The following CASZ1 variants were observed in gnomAD, a reference collection of about 807,000 sequenced individuals.
The protein encoded by CASZ1 is castor zinc finger 1.
CASZ1 carries 28 observed loss-of-function variants against 135.2 expected under a neutral mutation model. The ratio of observed to expected loss-of-function variants is 0.21; its 90% confidence interval spans 0.15 to 0.28. The LOEUF (loss-of-function observed/expected upper bound fraction) is 0.28. Among genes scored for constraint, CASZ1 ranks in the 10% least tolerant of loss-of-function variants. CASZ1 has a pLI of 1.00. For synonymous variants in CASZ1, 1,068 were observed against 1,073.4 expected, an observed-to-expected ratio of 0.99 and a Z score of 0.10; for missense variants, 2,161 against 2,453.3, an observed-to-expected ratio of 0.88 and a Z score of 2.52.
rs72862926 is a variant in CASZ1 at position 10,763,849 on chromosome 1, C to T, written c.-233-2992G>A. Reference sequence around the variant, plus strand: ...GCTTGGCCCCTCTTCTCCAACAGAACGCTCCATTCGCTGTTTTCTGTTTTC... The same window carrying T: ...GCTTGGCCCCTCTTCTCCAACAGAATGCTCCATTCGCTGTTTTCTGTTTTC... On this transcript the variant is annotated intron_variant, in intron 1 of 20. Coordinates refer to ENST00000377022, the MANE Select transcript of CASZ1 (RefSeq NM_001079843.3). 4.2e-3 allele frequency among the ~76,000 whole-genome samples: 632 copies of T among 152,266 alleles called. 2 individuals are homozygous for T. Among genetic ancestry groups the T allele is most frequent in the African/African-American group, 0.014 (595 of 41,554 alleles).
rs752184788 is a variant in CASZ1, at chr1:10,655,715, G to A, written c.1599C>T (p.Asp533=). ...QHGFMRFSPL[D]DCSVYYHGCH... ...AGCCGTGGTAGTAGACGCTGCAGTC[G>A]TCCAGCGGGCTGAAACGCATGAAGC... The change falls in exon 9 of 21, where the codon GAC becomes GAT. Residue 533 remains aspartate (D), a synonymous_variant. Transcript: ENST00000377022. 2.0e-4 allele frequency: 325 copies of A among 1,614,072 alleles called. 1 individual carries two copies. Among genetic ancestry groups the A allele is most frequent in the East Asian group, 2.7e-4 (12 of 44,902 alleles).
Position 10,721,561 on chromosome 1 carries a change from G to A in CASZ1, c.-76-16017C>T, listed in dbSNP as rs1253794347. 6.6e-6 allele frequency among the ~76,000 whole-genome samples: 1 copy of A among 152,066 alleles called. No individual in the cohort carries two copies. The highest frequency in any genetic ancestry group is 1.9e-4 in the East Asian group (1 of 5,170). On this transcript the variant is annotated intron_variant, in intron 2 of 20. Coordinates refer to ENST00000377022, the MANE Select transcript of CASZ1 (RefSeq NM_001079843.3). The surrounding 1 kb of genome is among the most constrained non-coding windows in gnomAD (Gnocchi z 5.4). The stretch of plus-strand genomic sequence containing the variant: ...CTTGAAACCAGGACTGGTTCCATGC[G>A]GGCATCAAGGAGAAACAGGGCAACT...
At chr1:10,729,065 G>C (rs1401922104) in intron 2 of CASZ1, among the ~76,000 whole-genome samples, 1 of 151,894 alleles carries the variant, frequency 6.6e-6, no homozygotes, top group African/African-American at 2.4e-5. Context: ...CATGCTGGGG[G>C]AGGCGGTTGG....
chr1:10,760,888 A>T (rs1640360578), intron 1 of CASZ1, 31 bp from the exon 2 acceptor site: 1 of 152,222 alleles, frequency 6.6e-6, no homozygotes, highest in Non-Finnish European at 1.5e-5. Flanking sequence ...AACAGAAAAG[A>T]TGAGGCTACA....
At position 10,788,915 on chromosome 1, in the gene CASZ1, C is replaced by A. The variant is rs909631338; in HGVS notation, c.-234+7649G>T. On this transcript the variant is annotated intron_variant, in intron 1 of 20. Coordinates refer to ENST00000377022, the MANE Select transcript of CASZ1 (RefSeq NM_001079843.3). This position sits in a 1 kb window ranked among gnomAD's most constrained non-coding sequence, Gnocchi z 4.1. ...GCCGCTGCCGCTCTGCAGAACCTCG[C>A]AGATCCTCTAAGCCACCTAGTGTCC... Among the ~76,000 whole-genome samples, 4 of 152,230 alleles carry A rather than the reference C, an allele frequency of 2.6e-5. No individual in the cohort carries two copies. Among genetic ancestry groups the A allele is most frequent in the African/African-American group, 9.6e-5 (4 of 41,458 alleles).
Position 10,647,930 on chromosome 1 carries a change from G to A in CASZ1, c.3368C>T (p.Ala1123Val), listed in dbSNP as rs762056146. ...CTGAGGCATCTGGGGTATGGTGGAAGCCAGCTGCTTCCAGGCGAGCAGGGT... is the reference window on the plus strand; with the variant it reads ...CTGAGGCATCTGGGGTATGGTGGAAACCAGCTGCTTCCAGGCGAGCAGGGT... ...TPTLLAWKQLASTIPQMPQIP... is the reference protein window; with the variant it reads ...TPTLLAWKQLVSTIPQMPQIP... Residue 1123 changes from alanine (A) to valine (V), a missense_variant, in exon 16 of 21, where the codon GCT becomes GTT. By Grantham distance (64) the Ala-to-Val change is moderately conservative (BLOSUM62 0). Coordinates refer to ENST00000377022, the MANE Select transcript of CASZ1 (RefSeq NM_001079843.3). The surrounding 1 kb of genome is among the most constrained non-coding windows in gnomAD (Gnocchi z 4.9). The A allele has an allele frequency of 1.9e-6, 3 of 1,613,240 alleles. No homozygotes were observed. Among genetic ancestry groups the A allele is most frequent in the Admixed American group, 1.7e-5 (1 of 60,016 alleles).
In CASZ1 at chr1:10,697,703, T is replaced by C. The variant is rs1280082959; in HGVS notation, c.-23-3791A>G. Reference sequence around the variant, plus strand: ...GTATCTCATGCTTTATCTGCTCTCATTTTGAATTTGTAACTTTCACATAAA... The same window carrying C: ...GTATCTCATGCTTTATCTGCTCTCACTTTGAATTTGTAACTTTCACATAAA... On this transcript the variant is annotated intron_variant, in intron 3 of 20. Transcript: ENST00000377022. The surrounding 1 kb of genome is among the most constrained non-coding windows in gnomAD (Gnocchi z 4.7). 6.6e-6 allele frequency among the ~76,000 whole-genome samples: 1 copy of C among 152,158 alleles called. No individual in the cohort carries two copies. The highest frequency in any genetic ancestry group is 1.5e-5 in the Non-Finnish European group (1 of 68,020).
At position 10,639,215 on chromosome 1, in the gene CASZ1, TGCGGCGGCG is replaced by T. The variant is rs769507455; in HGVS notation, c.4998_5006del (p.Ala1668_Ala1670del). On this transcript the variant is annotated inframe_deletion, in exon 21 of 21. Coordinates refer to ENST00000377022, the MANE Select transcript of CASZ1 (RefSeq NM_001079843.3). The surrounding 1 kb of genome is among the most constrained non-coding windows in gnomAD (Gnocchi z 4.0). ...CGTCCTCCTGCGAGGACTCCCCAGCTGCGGCGGCGGCGGCGGCGGCGCCCTCGCGCGGCC... is the reference window on the plus strand; with the variant it reads ...CGTCCTCCTGCGAGGACTCCCCAGCTGCGGCGGCGGCGCCCTCGCGCGGCC... The T allele has an allele frequency of 3.8e-5, 34 of 899,222 alleles. No homozygotes were observed. In the Admixed American group the frequency reaches 5.8e-4, roughly 15 times the overall value. The allele number at this position is 899,222 out of a possible 1,614,324, so 55.7% of individuals were successfully genotyped here.
intron 2 of CASZ1, among the ~76,000 whole-genome samples, chr1:10,722,623 A>AG (rs1557532274): frequency 6.6e-6 from 1 of 152,224 alleles, no homozygotes; most frequent in Non-Finnish European, 1.5e-5. Flanking sequence ...GCCCACTCAC[A>AG]GGGGGGCAGC....
At position 10,757,976 on chromosome 1, in the gene CASZ1, A is replaced by C. The variant is rs148330633; in HGVS notation, c.-77+2725T>G. Among the ~76,000 whole-genome samples, 961 of 152,140 alleles carry C rather than the reference A, an allele frequency of 6.3e-3. 14 individuals carry two copies. The highest frequency in any genetic ancestry group is 0.022 in the African/African-American group (928 of 41,488). The stretch of plus-strand genomic sequence containing the variant: ...GGCCACTCTGCCTTTCTTTCCAGTC[A>C]CTGGATGCACTGAGGGCATCCTACC... On this transcript the variant is annotated intron_variant, in intron 2 of 20. Transcript: ENST00000377022. The surrounding 1 kb of genome is among the most constrained non-coding windows in gnomAD (Gnocchi z 4.6).
chr1:10,718,994 C>T (rs1301352829), intron 2 of CASZ1, among the ~76,000 whole-genome samples: 1 of 149,664 alleles, frequency 6.7e-6, no homozygotes, highest in Admixed American at 6.6e-5. Context: ...CTCACTGCAA[C>T]CTCTGCTTTC....
Position 10,639,974 on chromosome 1 carries a change from C to T in CASZ1, c.4248G>A (p.Arg1416=), listed in dbSNP as rs1245492080. The change falls in exon 21 of 21, where the codon CGG becomes CGA. Residue 1416 remains arginine, a synonymous_variant. Coordinates refer to ENST00000377022, the MANE Select transcript of CASZ1 (RefSeq NM_001079843.3). The surrounding 1 kb of genome is among the most constrained non-coding windows in gnomAD (Gnocchi z 4.0). ...IEDMSPFGKR[R]KTASSRKMLD... ...GCATCTTCCGGGAGGACGCCGTCTTCCGCCGCTTGCCGAAGGGCGACATGT... is the reference window on the plus strand; with the variant it reads ...GCATCTTCCGGGAGGACGCCGTCTTTCGCCGCTTGCCGAAGGGCGACATGT... 4.3e-6 allele frequency: 7 copies of T among 1,612,714 alleles called. No individual in the cohort carries two copies. The Admixed American group carries it at 1.0e-4, about 23-fold the overall frequency.
At chr1:10,732,693 GGGA>G (rs1639723040) in intron 2 of CASZ1, among the ~76,000 whole-genome samples, 1 of 152,192 alleles carries the variant, frequency 6.6e-6, no homozygotes, top group South Asian at 2.1e-4. Flanking sequence ...GAATCACCCG[GGGA>G]GGTGGCCCCT....
At chr1:10,775,924 C>T (rs1300809314) in intron 1 of CASZ1, among the ~76,000 whole-genome samples, 3 of 152,164 alleles carry the variant, frequency 2.0e-5, no homozygotes, top group Non-Finnish European at 4.4e-5. Flanking sequence ...CAAGTACCCT[C>T]CCGCTGCAGC....
chr1:10,718,201 G>A (rs567923428), intron 2 of CASZ1, among the ~76,000 whole-genome samples: 3 of 152,260 alleles, frequency 2.0e-5, no homozygotes, highest in South Asian at 2.1e-4. Context: ...CGACTGGTTC[G>A]CAGTCTCCCC....
intron 1 of CASZ1, among the ~76,000 whole-genome samples, chr1:10,790,835 T>TTATAGAC (rs1640943858): frequency 6.6e-6 from 1 of 151,996 alleles, no homozygotes; most frequent in South Asian, 2.1e-4. Flanking sequence ...AATGTATGTC[T>TTATAGAC]ATAAGAGGGG....
rs1641023397 is a variant in CASZ1 at position 10,794,364 on chromosome 1, C to T, written c.-234+2200G>A. ...TACCAGGGCCTTTTCCCCCTCGCCA[C>T]CCCCTGAGTGTACCGGGTGTCGGCG... is the stretch of plus-strand genomic sequence containing the variant. On this transcript the variant is annotated intron_variant, in intron 1 of 20. Coordinates refer to ENST00000377022, the MANE Select transcript of CASZ1 (RefSeq NM_001079843.3). The surrounding 1 kb of genome is among the most constrained non-coding windows in gnomAD (Gnocchi z 5.6). 6.6e-6 allele frequency among the ~76,000 whole-genome samples: 1 copy of T among 152,144 alleles called. No individual in the cohort carries two copies. Among genetic ancestry groups the T allele is most frequent in the Non-Finnish European group, 1.5e-5 (1 of 68,018 alleles).
chr1:10,758,033 C>T (rs994304698), intron 2 of CASZ1, among the ~76,000 whole-genome samples: 1 of 152,164 alleles, frequency 6.6e-6, no homozygotes, highest in Admixed American at 6.5e-5. Context: ...TTCTTTCTTT[C>T]TAGAATATTC....
At position 10,639,646 on chromosome 1, in the gene CASZ1, C is replaced by G; in HGVS notation, c.4576G>C (p.Asp1526His). 6.2e-7 allele frequency: 1 copy of G among 1,606,208 alleles called. No homozygotes were observed. The highest frequency in any genetic ancestry group is 8.5e-7 in the Non-Finnish European group (1 of 1,178,150). The change falls in exon 21 of 21, where the codon GAC (aspartate) becomes CAC (histidine). Residue 1526 changes from aspartate to histidine, a missense_variant. Transcript: ENST00000377022. This position sits in a 1 kb window ranked among gnomAD's most constrained non-coding sequence, Gnocchi z 4.0. ...HCLRCRFRCT[D>H]STKVTAHRKH... ...CGATGCGCCGTGACCTTGGTGCTGT[C>G]GGTGCAGCGGAAGCGGCAGCGCAGG...
Sources: gnomAD v4.1 joint callset for allele counts (sites outside exome capture counted in the v4.1 genomes callset) on GRCh38, gnomAD v4.1.1 for gene constraint, Gnocchi (gnomAD v3.1) non-coding constraint, MANE v1.5 for transcripts, NCBI Gene and HGNC (gene_info 2026-07-23, HGNC 2026-07-21) for gene names.